The following BIN1 variants were observed in gnomAD, a reference collection of about 807,000 sequenced individuals.
The protein encoded by BIN1 is myc box-dependent-interacting protein 1.
Under a neutral mutation model 82.0 loss-of-function variants are expected in BIN1, and 53 were observed. The observed-to-expected ratio is 0.65, with a 90% CI of 0.52 to 0.81. The LOEUF (loss-of-function observed/expected upper bound fraction) is 0.81, where lower values mean the gene tolerates loss of function less well. Ranked by LOEUF, BIN1 falls within the 40% of genes least tolerant of loss-of-function variation. The probability of loss-of-function intolerance (pLI) is 0.00; values close to 1 mark genes in which losing one functional copy is unlikely to be tolerated. For missense variants in BIN1, 642 were observed against 784.4 expected, an observed-to-expected ratio of 0.82 and a Z score of 2.17; for synonymous variants, 302 against 328.0, an observed-to-expected ratio of 0.92 and a Z score of 0.86.
chr2:127,074,343 G>A (rs1686323326), intron 2 of BIN1, among the ~76,000 whole-genome samples: 1 of 152,038 alleles, frequency 6.6e-6, no homozygotes, highest in Non-Finnish European at 1.5e-5. Flanking sequence ...CCCCAGCCTT[G>A]AACAAGACCT....
chr2:127,103,489 C>T (rs1022358580), intron 1 of BIN1, among the ~76,000 whole-genome samples: 6 of 152,172 alleles, frequency 3.9e-5, no homozygotes, highest in African/African-American at 1.4e-4. Flanking sequence ...ATCCAGCCTG[C>T]ACCCCTCCAG....
At position 127,070,789 on chromosome 2, in the gene BIN1, G is replaced by T. The variant is rs2105078067; in HGVS notation, c.193C>A (p.Leu65Ile). The change falls in exon 3 of 19, where the codon CTC becomes ATC. Residue 65 changes from leucine to isoleucine, a missense_variant. Leu to Ile is a conservative substitution (Grantham distance 5). Transcript: ENST00000316724. ...TTGACGGAGGCCAGGTAGGTCCGGA[G>T]ATCCTTCTGCAGCCGGGTGCCCTCC... ...LTEGTRLQKD[L>I]RTYLASVKAM... 1 of 1,613,138 alleles carries T rather than the reference G, an allele frequency of 6.2e-7. No homozygotes were observed. Among genetic ancestry groups the T allele is most frequent in the East Asian group, 2.2e-5 (1 of 44,842 alleles).
chr2:127,070,442 G>C, intron 4 of BIN1, 111 bp downstream of exon 4: 1 of 1,339,346 alleles, frequency 7.5e-7, no homozygotes, highest in Non-Finnish European at 1.1e-6. Context: ...CACACAGCAC[G>C]CGAATGCCCG....
At chr2:127,056,210 C>T (rs576330445) in intron 12 of BIN1, 2 of 152,502 alleles carry the variant, frequency 1.3e-5, no homozygotes, top group South Asian at 2.1e-4. Flanking sequence ...GTCTCCCTCG[C>T]CTGCACACAC....
intron 1 of BIN1, among the ~76,000 whole-genome samples, chr2:127,105,464 AATCC>A (rs1680933424): frequency 9.2e-6 from 1 of 109,132 alleles, no homozygotes; most frequent in Non-Finnish European, 1.8e-5. Flanking sequence ...CTGGGGCTTT[AATCC>A]CTCCTCCTCC....
At chr2:127,103,021 A>C (rs1247122291) in intron 1 of BIN1, among the ~76,000 whole-genome samples, 1 of 152,148 alleles carries the variant, frequency 6.6e-6, no homozygotes, top group African/African-American at 2.4e-5. Flanking sequence ...ATGTGGGTAG[A>C]GGGGGGCATC....
At chr2:127,099,274 T>G (rs1212986766) in intron 1 of BIN1, among the ~76,000 whole-genome samples, 1 of 152,012 alleles carries the variant, frequency 6.6e-6, no homozygotes, top group East Asian at 1.9e-4. Context: ...CAGAGACACA[T>G]GGGCCTGCCT....
Position 127,063,557 on chromosome 2 carries a change from T to A in BIN1, c.774+14A>T. ...GGTGGGGTGTGGCCCCTCAGAGGGG[T>A]CCCCATGGCCTACCTTGCTCATCTC... On this transcript the variant is annotated intron_variant, in intron 9 of 18. Transcript: ENST00000316724. 1 of 1,612,962 alleles carries A rather than the reference T, an allele frequency of 6.2e-7. No homozygotes were observed. Among genetic ancestry groups the A allele is most frequent in the Non-Finnish European group, 8.5e-7 (1 of 1,179,590 alleles).
At chr2:127,096,533 G>A (rs1054319626) in intron 1 of BIN1, among the ~76,000 whole-genome samples, 11 of 152,196 alleles carry the variant, frequency 7.2e-5, no homozygotes, top group Admixed American at 3.3e-4. Context: ...CCAAGGGGAT[G>A]AATTCCTTCC....
Position 127,051,259 on chromosome 2 carries a change from C to T in BIN1, c.1372-16G>A, listed in dbSNP as rs369867419. On this transcript the variant is annotated splice_polypyrimidine_tract_variant and intron_variant, in intron 15 of 18. Coordinates refer to ENST00000316724, the MANE Select transcript of BIN1 (RefSeq NM_139343.3). The stretch of plus-strand genomic sequence containing the variant: ...CCTCTGCTGGCTGCAACATAAATGC[C>T]GGCTTGGGGTCAGACACAGGACAGG... The T allele has an allele frequency of 7.4e-6, 12 of 1,613,176 alleles. No homozygotes were observed. In the African/African-American group the frequency reaches 1.1e-4, roughly 14 times the overall value.
intron 12 of BIN1, chr2:127,054,427 C>T (rs1344306785): frequency 1.5e-5 from 4 of 259,588 alleles, no homozygotes; most frequent in African/African-American, 8.9e-5. Context: ...GCCAAGAGTT[C>T]TGCTGATCTT....
chr2:127,105,660 C>G (rs1000809402), intron 1 of BIN1, among the ~76,000 whole-genome samples: 6 of 152,134 alleles, frequency 3.9e-5, no homozygotes, highest in African/African-American at 1.4e-4. Context: ...AGGCGCCCCC[C>G]TCTCCCCCAT....
In BIN1 at chr2:127,048,359, G is replaced by A. The variant is rs1033400661; in HGVS notation, c.*167C>T. ...CGGACTTGCCGGGACGCGGCTCTTT[G>A]GAAAACGACCTAATCTTTGGGAGAA... On this transcript the variant is annotated 3_prime_UTR_variant, in exon 19 of 19. Transcript: ENST00000316724. 2.9e-5 allele frequency: 19 copies of A among 664,350 alleles called. No individual in the cohort carries two copies. The highest frequency in any genetic ancestry group is 7.7e-6 in the Non-Finnish European group (3 of 387,166). 41.2% of individuals were successfully genotyped at this position (664,350 alleles called of 1,614,324 possible).
intron 1 of BIN1, among the ~76,000 whole-genome samples, chr2:127,099,494 C>T (rs750383945): frequency 5.0e-4 from 76 of 152,068 alleles, no homozygotes; most frequent in African/African-American, 1.4e-3. Context: ...ATTAGAGGGA[C>T]GTAAACTTTA....
intron 15 of BIN1, 52 bp from the exon 16 acceptor site, chr2:127,051,295 G>A: frequency 5.0e-6 from 8 of 1,592,930 alleles, no homozygotes; most frequent in Non-Finnish European, 6.9e-6. Context: ...ACACAGCCAG[G>A]ACACAGGAAA....
Position 127,093,971 on chromosome 2 carries a change from G to A in BIN1, c.84+12889C>T, listed in dbSNP as rs1216290471. Reference sequence around the variant, plus strand: ...TAGAGGATACACACGGAGGGCATGGGTGCAGCTAGACACCCCCCACTGGCC... The same window carrying A: ...TAGAGGATACACACGGAGGGCATGGATGCAGCTAGACACCCCCCACTGGCC... On this transcript the variant is annotated intron_variant, in intron 1 of 18. Transcript: ENST00000316724. This position sits in a 1 kb window ranked among gnomAD's most constrained non-coding sequence, Gnocchi z 5.7. 6.6e-6 allele frequency among the ~76,000 whole-genome samples: 1 copy of A among 152,168 alleles called. No homozygotes were observed. The highest frequency in any genetic ancestry group is 1.5e-5 in the Non-Finnish European group (1 of 68,032).
At chr2:127,083,077 T>G (rs1375256792) in intron 1 of BIN1, among the ~76,000 whole-genome samples, 1 of 142,976 alleles carries the variant, frequency 7.0e-6, no homozygotes, top group Non-Finnish European at 1.6e-5. Flanking sequence ...TTTGCTTTTT[T>G]CTTTTTTTTT....
chr2:127,063,472 G>A, intron 9 of BIN1, 99 bp downstream of exon 9: 2 of 1,292,738 alleles, frequency 1.5e-6, no homozygotes, highest in Non-Finnish European at 2.2e-6. Context: ...TGCTGAACCT[G>A]GCAGGGAAGG....
At chr2:127,065,218 G>T (rs1289686992) in intron 7 of BIN1, among the ~76,000 whole-genome samples, 1 of 152,094 alleles carries the variant, frequency 6.6e-6, no homozygotes, top group African/African-American at 2.4e-5. Context: ...CTTCTGAAAG[G>T]TTACCTCCAG....
Sources: gnomAD v4.1 joint callset for allele counts (sites outside exome capture counted in the v4.1 genomes callset) on GRCh38, gnomAD v4.1.1 for gene constraint, Gnocchi (gnomAD v3.1) non-coding constraint, MANE v1.5 for transcripts, NCBI Gene and HGNC (gene_info 2026-07-23, HGNC 2026-07-21) for gene names.